Variants in BCAR3 observed in about 807,000 individuals in gnomAD.
The protein encoded by BCAR3 is BCAR3 adaptor protein, NSP family member.
A neutral mutation model predicts 80.1 loss-of-function variants in BCAR3; 37 were observed. The observed-to-expected ratio is 0.46, with a 90% CI of 0.36 to 0.61. The LOEUF (loss-of-function observed/expected upper bound fraction) is 0.61. BCAR3 is among the 20% of genes least tolerant of loss of function. The pLI, the probability that BCAR3 is intolerant of heterozygous loss-of-function variation, is 0.00. For missense variants in BCAR3, 978 were observed against 1,068.2 expected (o/e 0.92, Z 1.18); for synonymous variants, 389 against 418.9 (o/e 0.93, Z 0.87).
At chr1:93,680,835 G>C (rs554722619) in intron 1 of BCAR3, among the ~76,000 whole-genome samples, 16 of 152,200 alleles carry the variant, frequency 1.1e-4, no homozygotes, top group African/African-American at 3.9e-4. Flanking sequence ...CCTCCTCGAC[G>C]AGTGTCTACA....
At chr1:93,626,360 G>A (rs1187791406) in intron 3 of BCAR3, among the ~76,000 whole-genome samples, 1 of 152,204 alleles carries the variant, frequency 6.6e-6, no homozygotes, top group Non-Finnish European at 1.5e-5. Context: ...AACAAGAGGG[G>A]ATTATTTGTG....
At chr1:93,596,525 G>A (rs111632307) in intron 3 of BCAR3, among the ~76,000 whole-genome samples, 176 of 152,264 alleles carry the variant, frequency 1.2e-3, no homozygotes, top group African/African-American at 4.1e-3. Context: ...TGAGTAACAC[G>A]GCTGTGCTCT....
At chr1:93,776,024 C>G (rs1042778033) in intron 2 of BCAR3, among the ~76,000 whole-genome samples, 6 of 152,170 alleles carry the variant, frequency 3.9e-5, no homozygotes, top group African/African-American at 1.4e-4. Context: ...TAGCCAGTAG[C>G]TTCCAGCAAA....
intron 2 of BCAR3, among the ~76,000 whole-genome samples, chr1:93,649,008 T>C (rs892592778): frequency 1.3e-5 from 2 of 152,156 alleles, no homozygotes; most frequent in Non-Finnish European, 2.9e-5. Context: ...GAACTCTTCT[T>C]GAATACCAGC....
chr1:93,613,349 G>A (rs997470991), intron 3 of BCAR3, among the ~76,000 whole-genome samples: 30 of 152,204 alleles, frequency 2.0e-4, no homozygotes, highest in African/African-American at 7.2e-4. Flanking sequence ...GTTAAAATGT[G>A]AGCAGTAAAG....
intron 2 of BCAR3, among the ~76,000 whole-genome samples, chr1:93,791,958 G>T (rs1653154889): frequency 4.8e-4 from 2 of 4,138 alleles, no homozygotes; most frequent in Non-Finnish European, 3.4e-4. Context: ...AGATCAGATA[G>T]TTGTAGATAT....
intron 2 of BCAR3, among the ~76,000 whole-genome samples, chr1:93,713,306 G>A (rs1650087394): frequency 6.6e-6 from 1 of 152,162 alleles, no homozygotes; most frequent in African/African-American, 2.4e-5. Context: ...GCAGCTTGAG[G>A]AAGCCACAGA....
chr1:93,681,341 G>A (rs1188898456), intron 1 of BCAR3: 1 of 152,136 alleles, frequency 6.6e-6, no homozygotes, highest in Non-Finnish European at 1.5e-5. Context: ...CCCCGCCGTG[G>A]GCCACGTCTC....
intron 2 of BCAR3, among the ~76,000 whole-genome samples, chr1:93,755,957 C>G (rs1259223122): frequency 2.0e-5 from 3 of 152,190 alleles, no homozygotes; most frequent in African/African-American, 7.2e-5. Context: ...GAAATTCCCA[C>G]AGCAGGAGCC....
intron 3 of BCAR3, chr1:93,599,347 C>T (rs1274195532): frequency 6.6e-6 from 1 of 152,190 alleles, no homozygotes; most frequent in African/African-American, 2.4e-5. Context: ...CATCCCTAAG[C>T]CCCAGCTGAT....
intron 2 of BCAR3, among the ~76,000 whole-genome samples, chr1:93,657,507 G>A (rs1317726045): frequency 6.6e-6 from 1 of 152,026 alleles, no homozygotes; most frequent in Admixed American, 6.6e-5. Context: ...ACATGAGTAG[G>A]TATGAACAAA....
chr1:93,817,145 T>C (rs183813787), intron 2 of BCAR3, among the ~76,000 whole-genome samples: 50 of 152,226 alleles, frequency 3.3e-4, no homozygotes, highest in African/African-American at 1.2e-3. Flanking sequence ...TGCTTCTGCT[T>C]TATGTTATCT....
At position 93,588,946 on chromosome 1, in the gene BCAR3, T is replaced by C. The variant is rs1303303061; in HGVS notation, c.929+31A>G. 2.0e-6 allele frequency: 3 copies of C among 1,519,494 alleles called. No individual in the cohort carries two copies. The South Asian group carries it at 3.9e-5, about 20-fold the overall frequency. 94.1% of individuals were successfully genotyped at this position (1,519,494 alleles called of 1,614,324 possible). On this transcript the variant is annotated intron_variant, in intron 5 of 11. Transcript: ENST00000260502. ...CTAACCTTGGGCACCCCGGCGCCCC[T>C]CATAGTCCTGCAGAGGAGGCCCTGA... is the stretch of plus-strand genomic sequence containing the variant.
intron 2 of BCAR3, among the ~76,000 whole-genome samples, chr1:93,805,588 G>GT (rs397822044): frequency 1.3e-5 from 2 of 151,162 alleles, no homozygotes; most frequent in African/African-American, 4.9e-5. Flanking sequence ...CTGCCTTTAG[G>GT]ACCCTCAACA....
At chr1:93,840,855 C>T (rs1303247370) in intron 2 of BCAR3, among the ~76,000 whole-genome samples, 1 of 152,160 alleles carries the variant, frequency 6.6e-6, no homozygotes, top group Non-Finnish European at 1.5e-5. Flanking sequence ...TTCCTTATTG[C>T]CTACAGGACT....
chr1:93,765,809 G>A (rs1232552362), intron 2 of BCAR3, among the ~76,000 whole-genome samples: 2 of 151,862 alleles, frequency 1.3e-5, no homozygotes, highest in African/African-American at 2.4e-5. Context: ...TGGGACTATA[G>A]GCGCCCACCA....
chr1:93,562,197 T>TG lies in BCAR3; in HGVS notation c.*43dup, dbSNP rs1309288041. ...CAGTAAGCTTTCCCAAAGATGAAGCTGGGGAAACTTGAAAAGATATTCTAA... is the reference window on the plus strand; with the variant it reads ...CAGTAAGCTTTCCCAAAGATGAAGCTGGGGGAAACTTGAAAAGATATTCTAA... On this transcript the variant is annotated 3_prime_UTR_variant, in exon 12 of 12. Transcript: ENST00000260502. The TG allele has an allele frequency of 6.4e-7, 1 of 1,559,784 alleles. No homozygotes were observed. The highest frequency in any genetic ancestry group is 1.9e-5 in the Admixed American group (1 of 53,248).
At chr1:93,611,656 T>A (rs1429682648) in intron 3 of BCAR3, among the ~76,000 whole-genome samples, 1 of 152,190 alleles carries the variant, frequency 6.6e-6, no homozygotes. Flanking sequence ...TCCAAGGTCT[T>A]TATACACAAG....
intron 2 of BCAR3, among the ~76,000 whole-genome samples, chr1:93,837,401 G>A (rs1654810801): frequency 1.3e-5 from 2 of 152,114 alleles, no homozygotes; most frequent in Non-Finnish European, 2.9e-5. Flanking sequence ...TGTAATTGAT[G>A]CACCTTCTTT....
Sources: allele counts gnomAD v4.1 joint callset (sites outside exome capture counted in the v4.1 genomes callset), GRCh38; gene constraint gnomAD v4.1.1; transcripts MANE v1.5; gene names NCBI Gene and HGNC (gene_info 2026-07-23, HGNC 2026-07-21).